The following GAREM1 variants were observed in gnomAD, a reference collection of about 807,000 sequenced individuals.
The protein encoded by GAREM1 is GRB2-associated and regulator of MAPK protein 1.
A neutral mutation model predicts 71.3 loss-of-function variants in GAREM1; 26 were observed. That is an observed-to-expected ratio of 0.36 (90% confidence interval 0.27 to 0.51). GAREM1 has a LOEUF of 0.51. GAREM1 is among the 20% of genes least tolerant of loss of function. GAREM1 has a pLI of 0.95. For missense variants in GAREM1, 1,026 were observed against 1,103.1 expected, an observed-to-expected ratio of 0.93 and a Z score of 0.99; for synonymous variants, 440 against 433.2, an observed-to-expected ratio of 1.02 and a Z score of -0.20.
chr18:32,338,873 C>T (rs2047623089), intron 2 of GAREM1, among the ~76,000 whole-genome samples: 1 of 152,170 alleles, frequency 6.6e-6, no homozygotes, highest in Admixed American at 6.5e-5. Flanking sequence ...ACAGGATTAA[C>T]ATTTTACATC....
chr18:32,416,990 A>G (rs572688295), intron 1 of GAREM1, among the ~76,000 whole-genome samples: 2 of 152,356 alleles, frequency 1.3e-5, no homozygotes, highest in East Asian at 3.9e-4. Context: ...ATTCATAACC[A>G]GAATGCATAA....
At chr18:32,270,486 C>G (rs2041444470) in intron 4 of GAREM1, 103 bp from the exon 5 acceptor site, 9 of 942,552 alleles carry the variant, frequency 9.5e-6, no homozygotes, top group Non-Finnish European at 1.4e-5. Flanking sequence ...TAAACCGTAA[C>G]AGCAGGGTGT....
At chr18:32,443,584 AT>A (rs1402631387) in intron 1 of GAREM1, among the ~76,000 whole-genome samples, 2 of 152,182 alleles carry the variant, frequency 1.3e-5, no homozygotes, top group Non-Finnish European at 2.9e-5. Context: ...CCACAAAGAG[AT>A]ACCACTTCAC....
In GAREM1 at chr18:32,264,117, A is replaced by T. The variant is rs1262456215; in HGVS notation, c.*3754T>A. The T allele has an allele frequency of 6.6e-6, 1 of 152,156 alleles. No individual in the cohort carries two copies. The highest frequency in any genetic ancestry group is 1.5e-5 in the Non-Finnish European group (1 of 68,028). The allele number at this position is 152,156 out of a possible 1,614,324, so 9.4% of individuals were successfully genotyped here. On this transcript the variant is annotated 3_prime_UTR_variant, in exon 6 of 6. Transcript: ENST00000269209. ...GAATCCCGTATTATTACAATCCCACAATCTAAAAACTCTACTTCACATAAT... is the reference window on the plus strand; with the variant it reads ...GAATCCCGTATTATTACAATCCCACTATCTAAAAACTCTACTTCACATAAT...
chr18:32,439,334 G>A (rs1177235585), intron 1 of GAREM1, among the ~76,000 whole-genome samples: 1 of 152,128 alleles, frequency 6.6e-6, no homozygotes, highest in Non-Finnish European at 1.5e-5. Context: ...CCAGAATTAG[G>A]TGACAATAAA....
chr18:32,283,906 G>A (rs1363175482), intron 4 of GAREM1, among the ~76,000 whole-genome samples: 1 of 152,150 alleles, frequency 6.6e-6, no homozygotes, highest in African/African-American at 2.4e-5. Flanking sequence ...GGTGAGAGAT[G>A]TCACCTTCCC....
intron 2 of GAREM1, among the ~76,000 whole-genome samples, chr18:32,327,587 G>A (rs1447194863): frequency 6.6e-6 from 1 of 152,042 alleles, no homozygotes; most frequent in Non-Finnish European, 1.5e-5. Context: ...ACTAGAAAGT[G>A]AAGGATTAGG....
At chr18:32,364,026 ATGTTTTTT>A (rs1162921577) in intron 2 of GAREM1, among the ~76,000 whole-genome samples, 2 of 46,398 alleles carry the variant, frequency 4.3e-5, no homozygotes, top group African/African-American at 3.3e-4. Flanking sequence ...ATATATATAT[ATGTTTTTT>A]TTTTTTTTTT....
chr18:32,384,595 T>A, intron 2 of GAREM1, among the ~76,000 whole-genome samples: 1 of 152,226 alleles, frequency 6.6e-6, no homozygotes, highest in East Asian at 1.9e-4. Flanking sequence ...GCTCGAGCAT[T>A]TTATAATCAC....
intron 1 of GAREM1, among the ~76,000 whole-genome samples, chr18:32,401,188 A>G (rs1385730299): frequency 6.6e-6 from 1 of 151,920 alleles, no homozygotes; most frequent in Non-Finnish European, 1.5e-5. Context: ...GGTTGGGGGG[A>G]GAGGGGAGGG....
At chr18:32,363,081 G>A (rs992538840) in intron 2 of GAREM1, among the ~76,000 whole-genome samples, 1 of 152,122 alleles carries the variant, frequency 6.6e-6, no homozygotes, top group African/African-American at 2.4e-5. Context: ...AAGGGGTTTA[G>A]TTTTGAATCC....
intron 4 of GAREM1, among the ~76,000 whole-genome samples, chr18:32,275,498 T>C (rs543660786): frequency 2.2e-4 from 33 of 152,302 alleles, no homozygotes; most frequent in African/African-American, 7.5e-4. Flanking sequence ...TATGAGTACC[T>C]TGACTATTCA....
intron 4 of GAREM1, among the ~76,000 whole-genome samples, chr18:32,272,116 T>C (rs995718108): frequency 9.9e-5 from 15 of 152,158 alleles, no homozygotes; most frequent in African/African-American, 3.1e-4. Flanking sequence ...AGCTTTGGTA[T>C]TGAGTTTGCT....
At chr18:32,436,171 T>C (rs1190166735) in intron 1 of GAREM1, among the ~76,000 whole-genome samples, 1 of 152,100 alleles carries the variant, frequency 6.6e-6, no homozygotes, top group Non-Finnish European at 1.5e-5. Flanking sequence ...GGGAAGACAA[T>C]GATGGAAGAG....
intron 2 of GAREM1, 128 bp downstream of exon 2, chr18:32,392,767 C>T (rs1404914545): frequency 3.2e-5 from 31 of 963,350 alleles, no homozygotes; most frequent in Admixed American, 1.6e-4. Context: ...GATCAATAAC[C>T]ACACACAAAT....
chr18:32,324,768 G>A (rs2047459892), intron 2 of GAREM1, among the ~76,000 whole-genome samples: 2 of 152,152 alleles, frequency 1.3e-5, no homozygotes, highest in Non-Finnish European at 2.9e-5. Flanking sequence ...GCTACAAACG[G>A]CAAGGCAATC....
intron 1 of GAREM1, among the ~76,000 whole-genome samples, chr18:32,430,055 G>A (rs2048609329): frequency 6.6e-6 from 1 of 152,134 alleles, no homozygotes; most frequent in Non-Finnish European, 1.5e-5. Context: ...ATTTTCATTT[G>A]AACACTGAAA....
In GAREM1 at chr18:32,266,691, A is replaced by G. The variant is rs1185499648; in HGVS notation, c.*1180T>C. 6.6e-6 allele frequency: 1 copy of G among 152,224 alleles called. No individual in the cohort carries two copies. Among genetic ancestry groups the G allele is most frequent in the Non-Finnish European group, 1.5e-5 (1 of 68,040 alleles). The allele number at this position is 152,224 out of a possible 1,614,324, so 9.4% of individuals were successfully genotyped here. A position where few individuals can be genotyped will look rare whatever the true frequency, so the allele number is the denominator to read the frequency against. On this transcript the variant is annotated 3_prime_UTR_variant, in exon 6 of 6. Transcript: ENST00000269209. ...TATTTTAAAAATACTCAACAGATGT[A>G]GCATATATAATAATAAAGGCCGGTG...
At chr18:32,390,054 C>G (rs1297950871) in intron 2 of GAREM1, among the ~76,000 whole-genome samples, 1 of 152,090 alleles carries the variant, frequency 6.6e-6, no homozygotes, top group African/African-American at 2.4e-5. Context: ...GCCTGTAGTG[C>G]CAGCTACTCA....
Sources: allele counts gnomAD v4.1 joint callset (sites outside exome capture counted in the v4.1 genomes callset), GRCh38; gene constraint gnomAD v4.1.1; transcripts MANE v1.5; gene names NCBI Gene and HGNC (gene_info 2026-07-23, HGNC 2026-07-21).